Variants in WLS observed in about 807,000 individuals in gnomAD.
WLS encodes the protein protein wntless homolog.
Under a neutral mutation model 62.8 loss-of-function variants are expected in WLS, and 23 were observed. That is an observed-to-expected ratio of 0.37 (90% CI 0.26 to 0.52). The LOEUF (loss-of-function observed/expected upper bound fraction) is 0.52. Ranked by LOEUF, WLS falls within the 20% of genes least tolerant of loss-of-function variation. The pLI is 0.92. For synonymous variants in WLS, 246 were observed against 244.1 expected, an observed-to-expected ratio of 1.01 and a Z score of -0.07; for missense variants, 615 against 697.3, an observed-to-expected ratio of 0.88 and a Z score of 1.33.
chr1:68,115,714 TA>T (rs1306897059), intron 11 of WLS, among the ~76,000 whole-genome samples: 1 of 140,602 alleles, frequency 7.1e-6, no homozygotes, highest in African/African-American at 2.6e-5. Context: ...ATTTGCTTTT[TA>T]AAAACATCAA....
At chr1:68,114,733 C>T (rs1423413251) in intron 11 of WLS, among the ~76,000 whole-genome samples, 1 of 152,190 alleles carries the variant, frequency 6.6e-6, no homozygotes, top group Non-Finnish European at 1.5e-5. Context: ...CTCAGAGCCC[C>T]GTCCCAGAAG....
intron 1 of WLS, among the ~76,000 whole-genome samples, chr1:68,195,239 C>T (rs373711832): frequency 6.6e-5 from 10 of 152,284 alleles, no homozygotes; most frequent in African/African-American, 2.2e-4. Flanking sequence ...GCTCTGGAGG[C>T]GACCTGTCTG....
chr1:68,159,365 A>T, intron 2 of WLS, 118 bp from the exon 3 acceptor site: 1 of 1,306,912 alleles, frequency 7.7e-7, no homozygotes, highest in South Asian at 1.5e-5. Flanking sequence ...GGAAATATTA[A>T]TTTCTATCAA....
intron 11 of WLS, among the ~76,000 whole-genome samples, chr1:68,128,318 T>C (rs1269869694): frequency 1.3e-5 from 2 of 152,196 alleles, no homozygotes; most frequent in Non-Finnish European, 2.9e-5. Context: ...CAACATCTAG[T>C]CCACACCTCA....
chr1:68,198,469 T>C (rs768914232), intron 1 of WLS, among the ~76,000 whole-genome samples: 1 of 152,236 alleles, frequency 6.6e-6, no homozygotes, highest in Non-Finnish European at 1.5e-5. Context: ...TAAAGTGATA[T>C]GAAATCAATA....
chr1:68,123,335 A>G (rs1247526188), downstream of WLS, among the ~76,000 whole-genome samples: 1 of 151,870 alleles, frequency 6.6e-6, no homozygotes, highest in Non-Finnish European at 1.5e-5. Context: ...TTCCTTATGA[A>G]TCTGGTTCTT....
At chr1:68,117,204 C>T (rs1356442002) in intron 11 of WLS, among the ~76,000 whole-genome samples, 1 of 152,188 alleles carries the variant, frequency 6.6e-6, no homozygotes, top group Non-Finnish European at 1.5e-5. Flanking sequence ...TTTATCTGTA[C>T]AATTGCAGCT....
rs1203301417 is a variant in WLS, at chr1:68,155,260, T to A, written c.505A>T (p.Thr169Ser). 6.2e-7 allele frequency: 1 copy of A among 1,607,682 alleles called. No homozygotes were observed. The highest frequency in any genetic ancestry group is 1.7e-5 in the Admixed American group (1 of 58,904). ...TAGTAACGGCCCTCATGCTCTGGAG[T>A]CTGGAAAAAGAGCAGAGGGTTTGAG... ...KLKCTFTSPK[T>S]PEHEGRYYEC... Residue 169 changes from threonine to serine, a missense_variant and splice_region_variant, in exon 4 of 12, where the codon ACT becomes TCT. Thr to Ser is a moderately conservative substitution (Grantham distance 58, BLOSUM62 1). Transcript: ENST00000262348.
At position 68,223,729 on chromosome 1, in the gene WLS, C is replaced by T. The variant is rs1650030236; in HGVS notation, c.106+8465G>A. On this transcript the variant is annotated intron_variant, in intron 1 of 11. Transcript: ENST00000262348. ...CATGAGGAAGGAGGGCTCTGTTTCA[C>T]ATCGCAGTTGAGAGAGGGAGTCAAT... Among the ~76,000 whole-genome samples the T allele has an allele frequency of 4.6e-5, 7 of 152,306 alleles. 1 individual carries two copies. The South Asian group carries it at 1.5e-3, about 32-fold the overall frequency.
intron 5 of WLS, among the ~76,000 whole-genome samples, chr1:68,153,160 A>G (rs188297273): frequency 1.6e-4 from 25 of 152,264 alleles, no homozygotes; most frequent in Non-Finnish European, 3.5e-4. Flanking sequence ...CTGTGGTTCT[A>G]GCTACCGGGA....
chr1:68,229,349 A>G (rs1650309740), intron 1 of WLS, among the ~76,000 whole-genome samples: 1 of 152,220 alleles, frequency 6.6e-6, no homozygotes, highest in Admixed American at 6.5e-5. Context: ...AGAGTGATCA[A>G]AAAGAAAAAT....
intron 1 of WLS, chr1:68,202,877 G>A (rs1283244359): frequency 3.3e-5 from 5 of 151,932 alleles, no homozygotes; most frequent in Non-Finnish European, 7.4e-5. Flanking sequence ...TAGGGGTGGA[G>A]GTAACAAAAA....
intron 2 of WLS, among the ~76,000 whole-genome samples, chr1:68,187,031 G>A (rs1447350300): frequency 6.6e-6 from 1 of 151,514 alleles, no homozygotes; most frequent in Non-Finnish European, 1.5e-5. Context: ...CTAACACGGT[G>A]AAACCTCATC....
At chr1:68,220,739 C>T (rs1649907098) in intron 1 of WLS, among the ~76,000 whole-genome samples, 1 of 152,216 alleles carries the variant, frequency 6.6e-6, no homozygotes, top group South Asian at 2.1e-4. Context: ...CTGTAAGAAG[C>T]CCACATCAAG....
Position 68,169,542 on chromosome 1 carries a change from T to C in WLS, c.380-10295A>G, listed in dbSNP as rs575364477. 3.3e-5 allele frequency among the ~76,000 whole-genome samples: 5 copies of C among 152,318 alleles called. No individual in the cohort carries two copies. In the East Asian group the frequency reaches 7.7e-4, roughly 24 times the overall value. On this transcript the variant is annotated intron_variant, in intron 2 of 11. Transcript: ENST00000262348. ...TTCCCTCTTGATATTTGAATTTGCA[T>C]GCTCACTTTTCACCAGTCTCTCCTC... is the stretch of plus-strand genomic sequence containing the variant.
At position 68,137,867 on chromosome 1, in the gene WLS, T is replaced by TG; in HGVS notation, c.1428dup (p.Ile477HisfsTer21). The TG allele has an allele frequency of 6.2e-7, 1 of 1,614,054 alleles. No homozygotes were observed. The highest frequency in any genetic ancestry group is 8.5e-7 in the Non-Finnish European group (1 of 1,179,936). ...ACATACAGATTCCACATCCCATAGA[T>TG]GCCTGTGAAAAAGGCACTGTTCACT... On this transcript the variant is annotated frameshift_variant, in exon 11 of 12. Transcript: ENST00000262348. LOFTEE classifies it high-confidence loss of function.
At chr1:68,231,835 A>AG (rs1311840581) in intron 1 of WLS, 181 of 397,412 alleles carry the variant, frequency 4.6e-4, no homozygotes, top group African/African-American at 7.5e-4. Flanking sequence ...CGAGAGGAAA[A>AG]GGGGGGGAAC....
At position 68,232,149 on chromosome 1, in the gene WLS, C is replaced by T. The variant is rs957877906; in HGVS notation, c.106+45G>A. 8.1e-6 allele frequency: 13 copies of T among 1,612,124 alleles called. No homozygotes were observed. In the Middle Eastern group the frequency reaches 9.9e-4, roughly 123 times the overall value. ...CCAAGAGGCAAAGAGGGAAGGGGCC[C>T]GAAAAGACAGAAAGGGGGAAAAGTT... On this transcript the variant is annotated intron_variant, in intron 1 of 11. Coordinates refer to ENST00000262348, the MANE Select transcript of WLS (RefSeq NM_024911.7).
At chr1:68,178,667 C>T (rs111643844) in intron 2 of WLS, among the ~76,000 whole-genome samples, 4,445 of 148,450 alleles carry the variant, frequency 0.03, 92 homozygotes, top group Middle Eastern at 0.052. Context: ...GATCACGCCA[C>T]TGCACTCCAG....
Sources: gnomAD v4.1 joint callset for allele counts (sites outside exome capture counted in the v4.1 genomes callset) on GRCh38, gnomAD v4.1.1 for gene constraint, MANE v1.5 for transcripts, NCBI Gene and HGNC (gene_info 2026-07-23, HGNC 2026-07-21) for gene names.